The following C7 variants were observed in gnomAD, a reference collection of about 807,000 sequenced individuals.
The protein encoded by C7 is complement component C7.
C7 carries 83 observed loss-of-function variants against 104.8 expected under a neutral mutation model. That is an observed-to-expected ratio of 0.79 (90% CI 0.66 to 0.95). The LOEUF (loss-of-function observed/expected upper bound fraction) is 0.95, where lower values mean the gene tolerates loss of function less well. Ranked by LOEUF, C7 falls within the 40% of genes least tolerant of loss-of-function variation. The probability of loss-of-function intolerance (pLI) is 0.00; values close to 1 mark genes in which losing one functional copy is unlikely to be tolerated. For missense variants in C7, 1,070 were observed against 1,011.2 expected, an observed-to-expected ratio of 1.06 and a Z score of -0.79; for synonymous variants, 415 against 360.6, an observed-to-expected ratio of 1.15 and a Z score of -1.71.
intron 6 of C7, among the ~76,000 whole-genome samples, chr5:40,943,935 T>C (rs567568246): frequency 5.3e-5 from 8 of 152,198 alleles, no homozygotes; most frequent in Admixed American, 2.0e-4. Context: ...CTGTCTTGTA[T>C]TTTTTGACTG....
intron 14 of C7, among the ~76,000 whole-genome samples, chr5:40,970,450 G>T (rs1334325393): frequency 6.6e-6 from 1 of 152,106 alleles, no homozygotes; most frequent in East Asian, 1.9e-4. Flanking sequence ...AAAGAATACA[G>T]ATGAAAAGTC....
intron 12 of C7, among the ~76,000 whole-genome samples, chr5:40,960,614 T>G (rs1159917791): frequency 6.6e-6 from 1 of 152,104 alleles, no homozygotes; most frequent in Non-Finnish European, 1.5e-5. Context: ...AGGTACATCC[T>G]AAGAAAGTCA....
chr5:40,951,915 G>T (rs1740179559), intron 9 of C7, among the ~76,000 whole-genome samples: 1 of 152,194 alleles, frequency 6.6e-6, no homozygotes, highest in South Asian at 2.1e-4. Context: ...TGTGGTATGT[G>T]CCAGGAATCG....
rs13354322 is a variant in C7, at chr5:40,920,318, T to C, written c.7-8262T>C. Among the ~76,000 whole-genome samples, 750 of 152,188 alleles carry C rather than the reference T, an allele frequency of 4.9e-3. 7 individuals carry two copies. The highest frequency in any genetic ancestry group is 0.017 in the African/African-American group (720 of 41,564). ...GCATTGAAAGTGAGGTATGGAAGTTTTCTACTGTTACATTGCAATCCATCA... is the reference window on the plus strand; with the variant it reads ...GCATTGAAAGTGAGGTATGGAAGTTCTCTACTGTTACATTGCAATCCATCA... On this transcript the variant is annotated intron_variant, in intron 1 of 17. Coordinates refer to ENST00000313164, the MANE Select transcript of C7 (RefSeq NM_000587.4).
chr5:40,958,349 T>C (rs1480639259), intron 11 of C7, 88 bp downstream of exon 11: 1 of 736,358 alleles, frequency 1.4e-6, no homozygotes, highest in Non-Finnish European at 2.1e-6. Flanking sequence ...CTTCTTTGTG[T>C]ATGAAGAGAT....
intron 6 of C7, among the ~76,000 whole-genome samples, chr5:40,944,580 ATGAT>A (rs1177976352): frequency 6.6e-6 from 1 of 152,376 alleles, no homozygotes; most frequent in African/African-American, 2.4e-5. Context: ...GGATAAATGA[ATGAT>A]TGTCTCTTCA....
intron 12 of C7, among the ~76,000 whole-genome samples, chr5:40,960,853 G>A (rs1251033175): frequency 6.6e-6 from 1 of 152,088 alleles, no homozygotes; most frequent in Admixed American, 6.6e-5. Flanking sequence ...AGGCAGTCTT[G>A]AAAACCATTG....
At chr5:40,955,873 A>T (rs1004464797) in intron 10 of C7, among the ~76,000 whole-genome samples, 3 of 152,172 alleles carry the variant, frequency 2.0e-5, no homozygotes, top group Non-Finnish European at 4.4e-5. Flanking sequence ...TATAAATTCT[A>T]GCAAGGGGAA....
chr5:40,918,945 A>AAC (rs1231864644), intron 1 of C7, among the ~76,000 whole-genome samples: 2 of 91,620 alleles, frequency 2.2e-5, no homozygotes, highest in South Asian at 3.8e-4. Context: ...TAATGAATCT[A>AAC]ACAGACACAC....
intron 10 of C7, among the ~76,000 whole-genome samples, chr5:40,957,203 G>A (rs1008906998): frequency 1.3e-5 from 2 of 152,196 alleles, no homozygotes; most frequent in Admixed American, 6.5e-5. Context: ...ATGCTACAAA[G>A]CAGAGACATT....
chr5:40,935,558 A>G (rs1739794288), intron 4 of C7, among the ~76,000 whole-genome samples: 1 of 152,222 alleles, frequency 6.6e-6, no homozygotes, highest in Non-Finnish European at 1.5e-5. Context: ...CAAGTAAGAG[A>G]TAGGTAGAGA....
chr5:40,923,099 G>A (rs911270942), intron 1 of C7, among the ~76,000 whole-genome samples: 3 of 152,134 alleles, frequency 2.0e-5, no homozygotes, highest in African/African-American at 4.8e-5. Context: ...GAATCAAAAT[G>A]TAAAGGGAAG....
chr5:40,968,241 T>C (rs1441038306), intron 14 of C7, among the ~76,000 whole-genome samples: 1 of 152,026 alleles, frequency 6.6e-6, no homozygotes, highest in Admixed American at 6.6e-5. Context: ...TTCTCCTGGC[T>C]CAGCCTCCTG....
At chr5:40,943,193 G>A (rs1410011453) in intron 6 of C7, among the ~76,000 whole-genome samples, 1 of 152,200 alleles carries the variant, frequency 6.6e-6, no homozygotes, top group Non-Finnish European at 1.5e-5. Flanking sequence ...GAAACAGGAA[G>A]GAAGTGAAAA....
Position 40,947,628 on chromosome 5 carries a change from C to CA in C7, c.766dup (p.Thr256AsnfsTer3). ...GTTACCAACTGCTGGTTGTTGAGAA[C>CA]ACTGTTGAAGTGGCTCAGTTCATTA... On this transcript the variant is annotated frameshift_variant, in exon 8 of 18. Coordinates refer to ENST00000313164, the MANE Select transcript of C7 (RefSeq NM_000587.4). LOFTEE classifies it high-confidence loss of function. The CA allele has an allele frequency of 6.2e-7, 1 of 1,613,254 alleles. No homozygotes were observed. The highest frequency in any genetic ancestry group is 8.5e-7 in the Non-Finnish European group (1 of 1,179,580).
intron 1 of C7, among the ~76,000 whole-genome samples, chr5:40,914,744 G>A (rs1030468101): frequency 6.6e-6 from 1 of 152,104 alleles, no homozygotes; most frequent in Non-Finnish European, 1.5e-5. Context: ...TAACCCTTGG[G>A]CCATCCCTAT....
In C7 at chr5:40,931,029, C is replaced by T. The variant is rs376295369; in HGVS notation, c.63-35C>T. ...TTGTGTTCCCTTGCGTATCTTTCCA[C>T]CTGCTTTATGATGGACAATTTGACA... On this transcript the variant is annotated intron_variant, in intron 2 of 17. Transcript: ENST00000313164. 1,744 of 1,452,012 alleles carry T rather than the reference C, an allele frequency of 1.2e-3. 2 individuals are homozygous for T. The highest frequency in any genetic ancestry group is 1.6e-3 in the Non-Finnish European group (1,603 of 1,033,560). 89.9% of individuals were successfully genotyped at this position (1,452,012 alleles called of 1,614,324 possible).
chr5:40,974,822 A>G (rs1434748664), intron 15 of C7, among the ~76,000 whole-genome samples: 5 of 152,316 alleles, frequency 3.3e-5, no homozygotes, highest in Middle Eastern at 3.4e-3. Context: ...TGGCTTGATC[A>G]TTGACCTTAA....
chr5:40,958,835 T>C (rs1404595402), intron 11 of C7, among the ~76,000 whole-genome samples: 1 of 152,218 alleles, frequency 6.6e-6, no homozygotes, highest in East Asian at 1.9e-4. Flanking sequence ...TCTAGAACGC[T>C]CATTACTTAA....
Sources: allele counts gnomAD v4.1 joint callset (sites outside exome capture counted in the v4.1 genomes callset), GRCh38; gene constraint gnomAD v4.1.1; transcripts MANE v1.5; gene names NCBI Gene and HGNC (gene_info 2026-07-23, HGNC 2026-07-21).